Variants in ALPK2 observed in about 807,000 individuals in gnomAD.
The protein encoded by ALPK2 is alpha kinase 2, also known as alpha-protein kinase 2.
Under a neutral mutation model 163.1 loss-of-function variants are expected in ALPK2, and 127 were observed. The observed-to-expected ratio is 0.78, with a 90% confidence interval of 0.67 to 0.90. ALPK2 has a LOEUF of 0.90. Among genes scored for constraint, ALPK2 ranks in the 40% least tolerant of loss-of-function variants. ALPK2 has a pLI of 0.00. For missense variants in ALPK2, 2,360 were observed against 2,589.6 expected, an observed-to-expected ratio of 0.91 and a Z score of 1.92; for synonymous variants, 953 against 959.1, an observed-to-expected ratio of 0.99 and a Z score of 0.12.
At position 58,534,770 on chromosome 18, in the gene ALPK2, A is replaced by G. The variant is rs1440354412; in HGVS notation, c.5353+64T>C. 6 of 1,529,602 alleles carry G rather than the reference A, an allele frequency of 3.9e-6. No individual in the cohort carries two copies. In the African/African-American group the frequency reaches 4.2e-5, roughly 11 times the overall value. The allele number at this position is 1,529,602 out of a possible 1,614,324, so 94.8% of individuals were successfully genotyped here. Reference sequence around the variant, plus strand: ...AATTGCAAAGGACCCTCGAGGACACAGGAACTGGATACCTGGTCTACAAGC... The same window carrying G: ...AATTGCAAAGGACCCTCGAGGACACGGGAACTGGATACCTGGTCTACAAGC... On this transcript the variant is annotated intron_variant, in intron 5 of 12. Coordinates refer to ENST00000361673, the MANE Select transcript of ALPK2 (RefSeq NM_052947.4).
chr18:58,499,898 A>C (rs768099058), intron 11 of ALPK2, among the ~76,000 whole-genome samples: 2 of 152,210 alleles, frequency 1.3e-5, no homozygotes, highest in African/African-American at 4.8e-5. Context: ...CTGGCCACCT[A>C]CTTCCGTGGT....
chr18:58,627,163 T>G (rs2052235206), intron 1 of ALPK2, among the ~76,000 whole-genome samples: 2 of 152,172 alleles, frequency 1.3e-5, no homozygotes. Context: ...CTAACTCAAC[T>G]GCATCGCATC....
At chr18:58,573,608 G>GTCT (rs1555673491) in intron 4 of ALPK2, among the ~76,000 whole-genome samples, 1 of 35,618 alleles carries the variant, frequency 2.8e-5, no homozygotes, top group Non-Finnish European at 5.4e-5. Flanking sequence ...TGCCATTTTT[G>GTCT]TCTTCTTTTT....
rs2052134471 is a variant in ALPK2 at position 58,611,944 on chromosome 18, A to G, written c.-20-127T>C. 3 of 601,062 alleles carry G rather than the reference A, an allele frequency of 5.0e-6. No individual in the cohort carries two copies. The Admixed American group carries it at 1.0e-4, about 20-fold the overall frequency. 37.2% of individuals were successfully genotyped at this position (601,062 alleles called of 1,614,324 possible). The stretch of plus-strand genomic sequence containing the variant: ...GCACGCTGGAGGGTGGGCAGACTGA[A>G]GGTCTTTGGGCAGCCTTTCCAGGCC... On this transcript the variant is annotated intron_variant, in intron 1 of 12. Transcript: ENST00000361673.
intron 11 of ALPK2, among the ~76,000 whole-genome samples, chr18:58,500,737 A>G (rs925420715): frequency 6.6e-6 from 1 of 151,772 alleles, no homozygotes; most frequent in African/African-American, 2.4e-5. Flanking sequence ...CAGCCTGGCC[A>G]ACATGGTGAA....
intron 4 of ALPK2, among the ~76,000 whole-genome samples, chr18:58,574,241 G>A (rs550466290): frequency 5.9e-4 from 89 of 151,096 alleles, no homozygotes; most frequent in African/African-American, 2.0e-3. Flanking sequence ...TCAGGAGTTC[G>A]AGACCAGCCT....
chr18:58,616,107 T>C (rs750627162), intron 1 of ALPK2, among the ~76,000 whole-genome samples: 3 of 152,250 alleles, frequency 2.0e-5, no homozygotes, highest in Non-Finnish European at 4.4e-5. Flanking sequence ...GAGTTTGTGG[T>C]AGGCTTCACA....
intron 11 of ALPK2, among the ~76,000 whole-genome samples, chr18:58,501,752 GA>G (rs1452108614): frequency 6.6e-6 from 1 of 152,034 alleles, no homozygotes; most frequent in South Asian, 2.1e-4. Context: ...GTAAAATGGG[GA>G]TCATAATATC....
At chr18:58,625,127 T>A (rs187356721) in intron 1 of ALPK2, among the ~76,000 whole-genome samples, 1 of 152,070 alleles carries the variant, frequency 6.6e-6, no homozygotes, top group Admixed American at 6.6e-5. Flanking sequence ...CCGCCAGGTT[T>A]TCAAACCCCT....
intron 12 of ALPK2, among the ~76,000 whole-genome samples, chr18:58,488,649 C>T (rs1568063882): frequency 6.6e-6 from 1 of 151,780 alleles, no homozygotes; most frequent in Non-Finnish European, 1.5e-5. Context: ...TAGATGCCAA[C>T]CAGAAGCTAC....
At chr18:58,491,690 A>G (rs1246009574) in intron 12 of ALPK2, among the ~76,000 whole-genome samples, 1 of 152,158 alleles carries the variant, frequency 6.6e-6, no homozygotes, top group Non-Finnish European at 1.5e-5. Context: ...GAGTAGTAAT[A>G]AAACTTCAGT....
chr18:58,618,388 C>A (rs2052181143), intron 1 of ALPK2, among the ~76,000 whole-genome samples: 1 of 152,174 alleles, frequency 6.6e-6, no homozygotes, highest in Non-Finnish European at 1.5e-5. Context: ...TGGGCAGGAC[C>A]TTTAACAGGT....
chr18:58,544,377 G>T (rs2051706740), intron 4 of ALPK2: 1 of 152,130 alleles, frequency 6.6e-6, no homozygotes, highest in South Asian at 2.1e-4. Context: ...TGCACCCCAG[G>T]ATGTTCAAGG....
At chr18:58,604,958 A>G (rs1284834524) in intron 3 of ALPK2, among the ~76,000 whole-genome samples, 1 of 152,220 alleles carries the variant, frequency 6.6e-6, no homozygotes, top group East Asian at 1.9e-4. Context: ...CATCCTGTAT[A>G]TGGAACATAA....
intron 11 of ALPK2, among the ~76,000 whole-genome samples, chr18:58,499,608 T>C (rs937823616): frequency 6.6e-6 from 1 of 152,234 alleles, no homozygotes; most frequent in African/African-American, 2.4e-5. Context: ...AGTGGACCTC[T>C]GCCAGGACCT....
intron 2 of ALPK2, among the ~76,000 whole-genome samples, chr18:58,611,214 G>A (rs2052128828): frequency 6.6e-6 from 1 of 151,514 alleles, no homozygotes; most frequent in Non-Finnish European, 1.5e-5. Flanking sequence ...GGAGGCGGGG[G>A]TGGCAGTGAG....
intron 6 of ALPK2, chr18:58,528,874 C>A: frequency 1.8e-6 from 1 of 564,202 alleles, no homozygotes; most frequent in Admixed American, 3.3e-5. Flanking sequence ...AACCCCAGAA[C>A]TCAATTCTGG....
At chr18:58,600,814 C>A (rs1303301409) in intron 3 of ALPK2, 1 of 152,238 alleles carries the variant, frequency 6.6e-6, no homozygotes, top group Non-Finnish European at 1.5e-5. Context: ...TCTGAAATTT[C>A]AGTGTCTGTT....
At chr18:58,533,992 T>G (rs963001148) in intron 5 of ALPK2, among the ~76,000 whole-genome samples, 34 of 152,186 alleles carry the variant, frequency 2.2e-4, no homozygotes, top group Non-Finnish European at 5.9e-5. Context: ...CACAGGCCAC[T>G]GTAGCTTGCT....
Sources: gnomAD v4.1 joint callset for allele counts (sites outside exome capture counted in the v4.1 genomes callset) on GRCh38, gnomAD v4.1.1 for gene constraint, MANE v1.5 for transcripts, NCBI Gene and HGNC (gene_info 2026-07-23, HGNC 2026-07-21) for gene names.